CLDN7: variants seen among roughly 807,000 people sequenced by gnomAD.
CLDN7 encodes the protein claudin 7.
CLDN7 carries 15 observed loss-of-function variants against 20.3 expected under a neutral mutation model. The observed-to-expected ratio is 0.74, with a 90% CI of 0.49 to 1.14. The LOEUF (loss-of-function observed/expected upper bound fraction) is 1.14, where lower values mean the gene tolerates loss of function less well. Among genes scored for constraint, CLDN7 ranks in the 50% most tolerant of loss-of-function variants. The pLI, the probability that CLDN7 is intolerant of heterozygous loss-of-function variation, is 0.00. For missense variants in CLDN7, 261 were observed against 274.2 expected, an observed-to-expected ratio of 0.95 and a Z score of 0.34; for synonymous variants, 117 against 106.1, an observed-to-expected ratio of 1.10 and a Z score of -0.63.
Position 7,262,117 on chromosome 17 carries a change from GC to G in CLDN7, c.-75del. ...TAAAACAAACGACACTTGGGGGGCA[GC>G]CCCACAAAAGAAAACTTGAGGTGGA... On this transcript the variant is annotated 5_prime_UTR_variant, in exon 1 of 4. Transcript: ENST00000360325. This position sits in a 1 kb window ranked among gnomAD's most constrained non-coding sequence, Gnocchi z 6.6. 6.6e-7 allele frequency: 1 copy of G among 1,514,902 alleles called. No individual in the cohort carries two copies. The allele number at this position is 1,514,902 out of a possible 1,614,324, so 93.8% of individuals were successfully genotyped here.
chr17:7,260,781 C>T lies in CLDN7; in HGVS notation c.388+40G>A, dbSNP rs776184919. On this transcript the variant is annotated intron_variant, in intron 2 of 3. Transcript: ENST00000360325. ...TGAGGCCCCAAATGGGCGCCTTGCC[C>T]AGCCTTGCTCCTCCCAGATGGGAGA... 1.9e-6 allele frequency: 3 copies of T among 1,614,228 alleles called. No homozygotes were observed. The South Asian group carries it at 3.3e-5, about 18-fold the overall frequency.
At position 7,260,949 on chromosome 17, in the gene CLDN7, G is replaced by C; in HGVS notation, c.260C>G (p.Ser87Cys). Reference sequence around the variant, plus strand: ...CATGGCCAGGAAGCCCAGCACCAGGGAGACCACCATTAGGGCTCGAGTGGC... The same window carrying C: ...CATGGCCAGGAAGCCCAGCACCAGGCAGACCACCATTAGGGCTCGAGTGGC... Reference protein sequence around the residue: ...LQATRALMVVSLVLGFLAMFV... With the variant: ...LQATRALMVVCLVLGFLAMFV... Residue 87 changes from serine to cysteine, a missense_variant, in exon 2 of 4, where the codon TCC becomes TGC. Around this residue, in one of 2 missense-constraint regions of CLDN7, gnomAD observed 215 missense variants for 199.6 expected, o/e 1.08. Coordinates refer to ENST00000360325, the MANE Select transcript of CLDN7 (RefSeq NM_001307.6). 1.2e-6 allele frequency: 2 copies of C among 1,613,558 alleles called. No homozygotes were observed. Among genetic ancestry groups the C allele is most frequent in the Non-Finnish European group, 1.7e-6 (2 of 1,179,996 alleles).
rs771710986 is a variant in CLDN7 at position 7,261,928 on chromosome 17, T to A, written c.116A>T (p.Asn39Ile). The A allele has an allele frequency of 6.2e-6, 10 of 1,614,024 alleles. No individual in the cohort carries two copies. Among genetic ancestry groups the A allele is most frequent in the Admixed American group, 3.3e-5 (2 of 60,004 alleles). ...QWQMSSYAGD[N>I]IITAQAMYKG... ...GTACATGGCCTGGGCCGTGATGATG[T>A]TGTCACCCGCATAGGAGCTCATCTG... The change falls in exon 1 of 4, where the codon AAC (asparagine) becomes ATC (isoleucine). Residue 39 changes from asparagine to isoleucine, a missense_variant. Asn to Ile is a moderately radical substitution (Grantham distance 149, BLOSUM62 -3). This residue lies in a region of CLDN7 where 46 missense variants were observed against 74.6 expected (regional missense o/e 0.62). Transcript: ENST00000360325.
At chr17:7,262,494 A>C, upstream of CLDN7, 11 of 829,328 alleles carry the variant, frequency 1.3e-5, no homozygotes, top group Non-Finnish European at 1.6e-5. This position sits in a 1 kb window ranked among gnomAD's most constrained non-coding sequence, Gnocchi z 6.6. Context: ...GGTGGGGCGC[A>C]CCTGAGTATA....
At position 7,262,018 on chromosome 17, in the gene CLDN7, A is replaced by T. The variant is rs1445726887; in HGVS notation, c.26T>A (p.Leu9Gln). Residue 9 changes from leucine to glutamine, a missense_variant, in exon 1 of 4, where the codon CTG becomes CAG. Physicochemically the swap from Leu to Gln is moderately radical, Grantham distance 113. This residue lies in a region of CLDN7 where 46 missense variants were observed against 74.6 expected (regional missense o/e 0.62). Transcript: ENST00000360325. This position sits in a 1 kb window ranked among gnomAD's most constrained non-coding sequence, Gnocchi z 6.6. ...GCCCAGCAGGGCCATGGAGAAGCCC[A>T]GCAACTGCAGGCCCGAATTGGCCAT... MANSGLQL[L>Q]GFSMALLGWV... is the part of the protein sequence containing the mutation. 10 of 1,613,502 alleles carry T rather than the reference A, an allele frequency of 6.2e-6. No individual in the cohort carries two copies. Among genetic ancestry groups the T allele is most frequent in the Non-Finnish European group, 7.6e-6 (9 of 1,179,842 alleles).
In CLDN7 at chr17:7,259,962, T is replaced by G; in HGVS notation, c.*412A>C. On this transcript the variant is annotated 3_prime_UTR_variant, in exon 4 of 4. Coordinates refer to ENST00000360325, the MANE Select transcript of CLDN7 (RefSeq NM_001307.6). ...AGAAGTACTTTGGTAGCTATTTAAA[T>G]AAGAGGGGGGTGGGAATGAATGTCG... The G allele has an allele frequency of 2.7e-6, 1 of 374,262 alleles. No individual in the cohort carries two copies. Among genetic ancestry groups the G allele is most frequent in the East Asian group, 5.0e-5 (1 of 20,092 alleles). 23.2% of individuals were successfully genotyped at this position (374,262 alleles called of 1,614,324 possible). A position where few individuals can be genotyped will look rare whatever the true frequency, so the allele number is the denominator to read the frequency against.
chr17:7,261,700 C>A, intron 1 of CLDN7, 121 bp downstream of exon 1: 1 of 493,800 alleles, frequency 2.0e-6, no homozygotes, highest in Non-Finnish European at 3.2e-6. Flanking sequence ...CCGACCACTT[C>A]CTCGCCCTGC....
In CLDN7 at chr17:7,260,502, C is replaced by G. The variant is rs780943523; in HGVS notation, c.508G>C (p.Ala170Pro). Residue 170 changes from alanine to proline, a missense_variant, in exon 4 of 4, where the codon GCA (alanine) becomes CCA (proline). Ala to Pro is a conservative substitution (Grantham distance 27). Transcript: ENST00000360325. ...CCCAGGATGACTAGGGCAGACCCTG[C>G]CCAGCCAATAAAGATGGCAGGGCCA... ...EFGPAIFIGW[A>P]GSALVILGGA... is the part of the protein sequence containing the mutation. 1.2e-6 allele frequency: 2 copies of G among 1,612,862 alleles called. No individual in the cohort carries two copies. The highest frequency in any genetic ancestry group is 1.7e-6 in the Non-Finnish European group (2 of 1,179,412).
At position 7,260,130 on chromosome 17, in the gene CLDN7, A is replaced by G. The variant is rs1386975834; in HGVS notation, c.*244T>C. 3.5e-5 allele frequency: 14 copies of G among 401,070 alleles called. No homozygotes were observed. The highest frequency in any genetic ancestry group is 6.2e-5 in the Non-Finnish European group (14 of 225,638). The allele number at this position is 401,070 out of a possible 1,614,324, so 24.8% of individuals were successfully genotyped here. On this transcript the variant is annotated 3_prime_UTR_variant, in exon 4 of 4. Coordinates refer to ENST00000360325, the MANE Select transcript of CLDN7 (RefSeq NM_001307.6). ...GGAAAGCAGAGGCCCTGAAGGGAAA[A>G]AAGCCTGCTTCCCAATACTTATTTT...
chr17:7,262,916 GC>G, upstream of CLDN7: 1 of 152,188 alleles, frequency 6.6e-6, no homozygotes, highest in Non-Finnish European at 1.5e-5. This position sits in a 1 kb window ranked among gnomAD's most constrained non-coding sequence, Gnocchi z 6.6. Flanking sequence ...CCCTGCTTTC[GC>G]CCCCACCCGC....
At chr17:7,261,703 C>T (rs1440628405) in intron 1 of CLDN7, 118 bp downstream of exon 1, 1 of 830,860 alleles carries the variant, frequency 1.2e-6, no homozygotes, top group Non-Finnish European at 1.7e-6. Context: ...ACCACTTCCT[C>T]GCCCTGCAGC....
chr17:7,260,379 C>G lies in CLDN7; in HGVS notation c.631G>C (p.Val211Leu), dbSNP rs754288281. The G allele has an allele frequency of 3.1e-5, 50 of 1,606,480 alleles. No individual in the cohort carries two copies. The highest frequency in any genetic ancestry group is 4.2e-5 in the Non-Finnish European group (49 of 1,175,976). The part of the protein sequence containing the change: ...YPKSNSSKEY[V>L] ...TGGGGCAAGGAGATCCCAGGTCACA[C>G]ATACTCCTTGGAAGAGTTGGACTTA... Residue 211 changes from valine to leucine, a missense_variant, in exon 4 of 4, where the codon GTG (valine) becomes CTG (leucine). By Grantham distance (32) the Val-to-Leu change is conservative (BLOSUM62 1). Around this residue, in one of 2 missense-constraint regions of CLDN7, gnomAD observed 215 missense variants for 199.6 expected, o/e 1.08. Coordinates refer to ENST00000360325, the MANE Select transcript of CLDN7 (RefSeq NM_001307.6).
chr17:7,261,430 G>A (rs1181320341), intron 1 of CLDN7, among the ~76,000 whole-genome samples: 2 of 152,164 alleles, frequency 1.3e-5, no homozygotes, highest in African/African-American at 4.8e-5. Context: ...ACTCTGACCA[G>A]CCGCACCGCC....
rs2072236135 is a variant in CLDN7, at chr17:7,262,083, A to C, written c.-40T>G. ...AACACTGGGGGCGCCGGGCGGGGAGACCCTACAGTAAAACAAACGACACTT... is the reference window on the plus strand; with the variant it reads ...AACACTGGGGGCGCCGGGCGGGGAGCCCCTACAGTAAAACAAACGACACTT... On this transcript the variant is annotated 5_prime_UTR_variant, in exon 1 of 4. Transcript: ENST00000360325. The surrounding 1 kb of genome is among the most constrained non-coding windows in gnomAD (Gnocchi z 6.6). 6.4e-7 allele frequency: 1 copy of C among 1,566,942 alleles called. No homozygotes were observed. The highest frequency in any genetic ancestry group is 1.4e-5 in the African/African-American group (1 of 73,328).
Position 7,260,420 on chromosome 17 carries a change from A to G in CLDN7, c.590T>C (p.Val197Ala), listed in dbSNP as rs4562. 0.64 allele frequency: 1,029,327 copies of G among 1,613,244 alleles called. 331,254 individuals are homozygous for G. Among genetic ancestry groups the G allele is most frequent in the African/African-American group, 0.85 (63,946 of 74,978 alleles). ...GTTGGACTTAGGGTAAGAGCGGGGTACACGGTACCCAGCCTTGCTCTCATT... is the reference window on the plus strand; with the variant it reads ...GTTGGACTTAGGGTAAGAGCGGGGTGCACGGTACCCAGCCTTGCTCTCATT... ...PGNESKAGYR[V>A]PRSYPKSNSS... The change falls in exon 4 of 4, where the codon GTA becomes GCA. Residue 197 changes from valine to alanine, a missense_variant. This residue lies in a region of CLDN7 where 215 missense variants were observed against 199.6 expected (regional missense o/e 1.08). Coordinates refer to ENST00000360325, the MANE Select transcript of CLDN7 (RefSeq NM_001307.6).
intron 1 of CLDN7, chr17:7,261,215 C>A (rs1180442631): frequency 1.7e-6 from 1 of 594,234 alleles, no homozygotes; most frequent in African/African-American, 1.9e-5. Flanking sequence ...CAAGGATCCG[C>A]CCGGGGCGCC....
chr17:7,261,734 C>T (rs1340787614), intron 1 of CLDN7, 87 bp downstream of exon 1: 4 of 1,446,452 alleles, frequency 2.8e-6, no homozygotes, highest in African/African-American at 2.8e-5. Flanking sequence ...CCCAGGGCCC[C>T]CAGCCGTGGG....
chr17:7,260,153 TTTTTATTAC>T lies in CLDN7; in HGVS notation c.*212_*220del. On this transcript the variant is annotated 3_prime_UTR_variant, in exon 4 of 4. Coordinates refer to ENST00000360325, the MANE Select transcript of CLDN7 (RefSeq NM_001307.6). ...AAAAAGCCTGCTTCCCAATACTTAT[TTTTTATTAC>T]TGTACAAAAAGCACACTCTCCCTCT... The T allele has an allele frequency of 2.2e-6, 1 of 450,892 alleles. No individual in the cohort carries two copies. The allele number at this position is 450,892 out of a possible 1,614,324, so 27.9% of individuals were successfully genotyped here.
chr17:7,260,995 A>T lies in CLDN7; in HGVS notation c.224-10T>A. The T allele has an allele frequency of 6.2e-7, 1 of 1,603,022 alleles. No individual in the cohort carries two copies. Among genetic ancestry groups the T allele is most frequent in the Non-Finnish European group, 8.5e-7 (1 of 1,177,810 alleles). On this transcript the variant is annotated splice_polypyrimidine_tract_variant and intron_variant, in intron 1 of 3. Transcript: ENST00000360325. ...GTGGCCTGCAAGGCCGCTGCGGGCG[A>T]GGGGAAAGGGCGCCGTCATTGCTGG...
Sources: allele counts gnomAD v4.1 joint callset (sites outside exome capture counted in the v4.1 genomes callset), GRCh38; gene constraint gnomAD v4.1.1; regional missense constraint gnomAD v4.1.1; non-coding constraint Gnocchi (gnomAD v3.1); transcripts MANE v1.5; gene names NCBI Gene and HGNC (gene_info 2026-07-23, HGNC 2026-07-21).